The following UTS2B variants were observed in gnomAD, a reference collection of about 807,000 sequenced individuals.
UTS2B encodes urotensin 2B.
Under a neutral mutation model 19.2 loss-of-function variants are expected in UTS2B, and 21 were observed. The ratio of observed to expected loss-of-function variants is 1.09; its 90% CI spans 0.78 to 1.58. UTS2B has a LOEUF of 1.58. Among genes scored for constraint, UTS2B ranks in the 40% most tolerant of loss-of-function variants. The probability of loss-of-function intolerance (pLI) is 0.00; values close to 1 mark genes in which losing one functional copy is unlikely to be tolerated. For synonymous variants in UTS2B, 57 were observed against 50.2 expected (o/e 1.14, Z -0.58); for missense variants, 138 against 130.3 (o/e 1.06, Z -0.29).
intron 2 of UTS2B, among the ~76,000 whole-genome samples, chr3:191,325,013 G>C (rs2108617036): frequency 1.3e-5 from 2 of 152,012 alleles, no homozygotes; most frequent in Middle Eastern, 3.4e-3. Flanking sequence ...TTGTGCCACT[G>C]CACTCCAGCC....
At chr3:191,308,616 T>C (rs891142158) in intron 3 of UTS2B, among the ~76,000 whole-genome samples, 1 of 152,198 alleles carries the variant, frequency 6.6e-6, no homozygotes, top group African/African-American at 2.4e-5. Flanking sequence ...CCCTGGCCTC[T>C]ATCCATTTGA....
chr3:191,337,782 G>T, the UTS2B span, among the ~76,000 whole-genome samples: 1 of 151,966 alleles, frequency 6.6e-6, no homozygotes, highest in South Asian at 2.1e-4. Context: ...GCTTTCAGAA[G>T]TTCATGAGTA....
chr3:191,316,422 G>T lies in UTS2B; in HGVS notation c.-568C>A, dbSNP rs1370683301. 6.6e-6 allele frequency: 1 copy of T among 152,382 alleles called. No homozygotes were observed. Among genetic ancestry groups the T allele is most frequent in the Non-Finnish European group, 1.5e-5 (1 of 68,096 alleles). The allele number at this position is 152,382 out of a possible 1,614,324, so 9.4% of individuals were successfully genotyped here. ...TATGGGCAGTGCAGACCCAAAGAGT[G>T]AGCAGCAGCAAGATTTACTGCAAAG... On this transcript the variant is annotated 5_prime_UTR_variant, in exon 3 of 9. Transcript: ENST00000340524.
At position 191,272,039 on chromosome 3, in the gene UTS2B, C is replaced by T. The variant is rs568651533; in HGVS notation, c.334+3213G>A. Among the ~76,000 whole-genome samples, 19 of 152,342 alleles carry T rather than the reference C, an allele frequency of 1.2e-4. No individual in the cohort carries two copies. The East Asian group carries it at 3.7e-3, about 29-fold the overall frequency. On this transcript the variant is annotated intron_variant, in intron 8 of 8. Coordinates refer to ENST00000340524, the MANE Select transcript of UTS2B (RefSeq NM_198152.5). ...TTAAAAGCATATTTACCTGCTTCAT[C>T]TCTTTCCTATCCTACTATAGGTACA...
At chr3:191,332,341 C>A (rs766364715), upstream of UTS2B, among the ~76,000 whole-genome samples, 1 of 152,132 alleles carries the variant, frequency 6.6e-6, no homozygotes, top group African/African-American at 2.4e-5. Context: ...CTTGGTAAAT[C>A]TCTTAAACTG....
At chr3:191,288,836 A>G (rs1716628027) in intron 4 of UTS2B, among the ~76,000 whole-genome samples, 1 of 152,220 alleles carries the variant, frequency 6.6e-6, no homozygotes, top group Non-Finnish European at 1.5e-5. Context: ...AACTCCTGCA[A>G]AAAAACACAG....
At chr3:191,321,352 A>T (rs1206737470) in intron 2 of UTS2B, among the ~76,000 whole-genome samples, 1 of 152,208 alleles carries the variant, frequency 6.6e-6, no homozygotes, top group Non-Finnish European at 1.5e-5. Flanking sequence ...TATTTTTAAA[A>T]TCTTAGATTA....
Position 191,316,018 on chromosome 3 carries a change from T to A in UTS2B, c.-182+18A>T, listed in dbSNP as rs536179214. ...TCAAATTTCTGCAAATTGGGTAAGG[T>A]CAGAGAGCTCTTCTTACCTGTGTCA... is the stretch of plus-strand genomic sequence containing the variant. On this transcript the variant is annotated intron_variant, in intron 3 of 8. Transcript: ENST00000340524. The A allele has an allele frequency of 1.3e-5, 2 of 152,204 alleles. No homozygotes were observed. Among genetic ancestry groups the A allele is most frequent in the East Asian group, 3.9e-4 (2 of 5,192 alleles). 9.4% of individuals were successfully genotyped at this position (152,204 alleles called of 1,614,324 possible).
chr3:191,292,119 G>GAAAA (rs58089139), intron 4 of UTS2B, among the ~76,000 whole-genome samples: 9 of 145,972 alleles, frequency 6.2e-5, no homozygotes, highest in African/African-American at 2.0e-4. Flanking sequence ...GCCAATTTCT[G>GAAAA]AAAAAAAAAA....
At chr3:191,339,110 T>C in the UTS2B span, among the ~76,000 whole-genome samples, 23,890 of 152,102 alleles carry the variant, frequency 0.16, 2,821 homozygotes, top group African/African-American at 0.33. Context: ...TTGTGAAGAA[T>C]CTGAAAGTTT....
intron 7 of UTS2B, 66 bp downstream of exon 7, chr3:191,276,741 G>A: frequency 7.5e-7 from 1 of 1,325,256 alleles, no homozygotes; most frequent in Non-Finnish European, 1.1e-6. Context: ...AAAAAACATT[G>A]TGTCAAGAAG....
At chr3:191,281,942 C>T (rs1716398084) in intron 5 of UTS2B, 145 bp downstream of exon 5, 1 of 629,380 alleles carries the variant, frequency 1.6e-6, no homozygotes, top group African/African-American at 1.9e-5. Context: ...TTCTGACCAG[C>T]AACTACTTAA....
chr3:191,302,160 C>T (rs944233331), intron 4 of UTS2B, among the ~76,000 whole-genome samples: 1 of 152,190 alleles, frequency 6.6e-6, no homozygotes, highest in Non-Finnish European at 1.5e-5. Context: ...AAAGTCACCT[C>T]CGGCCATCCT....
At position 191,268,098 on chromosome 3, in the gene UTS2B, C is replaced by T. The variant is rs117591904; in HGVS notation, c.*318G>A. On this transcript the variant is annotated 3_prime_UTR_variant, in exon 9 of 9. Coordinates refer to ENST00000340524, the MANE Select transcript of UTS2B (RefSeq NM_198152.5). ...CATGCATCCGTTTATAGGCTCTCCA[C>T]GAGGGGCGCATTCCATTCCCAGAGC... is the stretch of plus-strand genomic sequence containing the variant. 5,603 of 193,552 alleles carry T rather than the reference C, an allele frequency of 0.029. 361 individuals carry two copies. The highest frequency in any genetic ancestry group is 0.26 in the East Asian group (1,886 of 7,366). The allele number at this position is 193,552 out of a possible 1,614,324, so 12.0% of individuals were successfully genotyped here. A position where few individuals can be genotyped will look rare whatever the true frequency, so the allele number is the denominator to read the frequency against.
chr3:191,271,200 CAAAAAAAAAAAA>C (rs66756396), intron 8 of UTS2B, among the ~76,000 whole-genome samples: 597 of 52,782 alleles, frequency 0.011, 10 homozygotes, highest in African/African-American at 0.039. Flanking sequence ...GAGACTCTCT[CAAAAAAAAAAAA>C]AAAAAAAAAA....
rs562542510 is a variant in UTS2B at position 191,284,702 on chromosome 3, C to T, written c.-124-2389G>A. The stretch of plus-strand genomic sequence containing the variant: ...TTGGGAGGCTGAGGTGGGCGGGTCA[C>T]GAGGCCAGGAGTTCATATTTATAAT... On this transcript the variant is annotated intron_variant, in intron 4 of 8. Transcript: ENST00000340524. Among the ~76,000 whole-genome samples the T allele has an allele frequency of 1.4e-3, 208 of 151,496 alleles. 2 individuals carry two copies. Among genetic ancestry groups the T allele is most frequent in the Admixed American group, 0.011 (168 of 15,258 alleles).
At chr3:191,305,329 A>G (rs1717108415) in intron 3 of UTS2B, among the ~76,000 whole-genome samples, 2 of 152,088 alleles carry the variant, frequency 1.3e-5, no homozygotes, top group African/African-American at 4.8e-5. Context: ...ACCAGCATCT[A>G]TTATTTTTTG....
In UTS2B at chr3:191,296,710, T is replaced by G. The variant is rs550715727; in HGVS notation, c.-125+7782A>C. Reference sequence around the variant, plus strand: ...CCCACCTGCTGGAGGGAAGTCTGATTATTTTACACACAAAATAGGTCTTTC... The same window carrying G: ...CCCACCTGCTGGAGGGAAGTCTGATGATTTTACACACAAAATAGGTCTTTC... On this transcript the variant is annotated intron_variant, in intron 4 of 8. Transcript: ENST00000340524. Among the ~76,000 whole-genome samples, 9 of 152,384 alleles carry G rather than the reference T, an allele frequency of 5.9e-5. No homozygotes were observed. The South Asian group carries it at 1.9e-3, about 32-fold the overall frequency.
chr3:191,302,655 A>G (rs1361328513), intron 4 of UTS2B, among the ~76,000 whole-genome samples: 1 of 152,206 alleles, frequency 6.6e-6, no homozygotes, highest in Admixed American at 6.5e-5. Context: ...TACTATAACA[A>G]CATAAACTCA....
Sources: gnomAD v4.1 joint callset for allele counts (sites outside exome capture counted in the v4.1 genomes callset) on GRCh38, gnomAD v4.1.1 for gene constraint, MANE v1.5 for transcripts, NCBI Gene and HGNC (gene_info 2026-07-23, HGNC 2026-07-21) for gene names.